Variants in SLC2A13 observed in about 807,000 individuals in gnomAD.
SLC2A13 encodes proton myo-inositol cotransporter.
Under a neutral mutation model 64.4 loss-of-function variants are expected in SLC2A13, and 32 were observed. The observed-to-expected ratio is 0.50, with a 90% CI of 0.37 to 0.67. The LOEUF is 0.67. Among genes scored for constraint, SLC2A13 ranks in the 30% least tolerant of loss-of-function variants. The pLI is 0.00. For missense variants in SLC2A13, 743 were observed against 829.2 expected, an observed-to-expected ratio of 0.90 and a Z score of 1.28; for synonymous variants, 338 against 327.1, an observed-to-expected ratio of 1.03 and a Z score of -0.36.
At chr12:39,908,486 G>A (rs1476388690) in intron 4 of SLC2A13, among the ~76,000 whole-genome samples, 3 of 151,888 alleles carry the variant, frequency 2.0e-5, no homozygotes, top group African/African-American at 4.8e-5. Flanking sequence ...CTCAGAACCC[G>A]AGGAAAAAGA....
At chr12:39,919,018 C>T (rs142907644) in intron 4 of SLC2A13, among the ~76,000 whole-genome samples, 11 of 151,578 alleles carry the variant, frequency 7.3e-5, no homozygotes, top group Admixed American at 5.9e-4. Flanking sequence ...GCTCTGTTGT[C>T]CAGGCTGGAT....
At chr12:39,901,324 AG>A (rs1258351073) in intron 4 of SLC2A13, among the ~76,000 whole-genome samples, 1 of 152,098 alleles carries the variant, frequency 6.6e-6, no homozygotes, top group African/African-American at 2.4e-5. Context: ...TGGCAACAAA[AG>A]CCAAAATTGA....
chr12:39,986,411 C>T (rs1375271665), intron 3 of SLC2A13, among the ~76,000 whole-genome samples: 3 of 151,886 alleles, frequency 2.0e-5, no homozygotes, highest in Admixed American at 6.6e-5. Context: ...TGAGGTGCTT[C>T]GTGATATGAA....
intron 1 of SLC2A13, among the ~76,000 whole-genome samples, chr12:40,100,511 T>G (rs934233455): frequency 2.6e-5 from 4 of 152,220 alleles, no homozygotes; most frequent in African/African-American, 9.6e-5. Flanking sequence ...GTGTTATGCA[T>G]GGGAGATACA....
intron 4 of SLC2A13, among the ~76,000 whole-genome samples, chr12:39,926,891 G>A (rs1181392132): frequency 1.3e-5 from 2 of 152,224 alleles, no homozygotes; most frequent in East Asian, 1.9e-4. Context: ...TTGGGAAAAC[G>A]GACGTGAGCC....
At chr12:40,097,945 C>T (rs1939007597) in intron 1 of SLC2A13, among the ~76,000 whole-genome samples, 1 of 151,894 alleles carries the variant, frequency 6.6e-6, no homozygotes, top group Non-Finnish European at 1.5e-5. Context: ...CAGCATTATC[C>T]ACAACAGCCA....
intron 1 of SLC2A13, among the ~76,000 whole-genome samples, chr12:40,090,098 G>C (rs555052652): frequency 6.6e-6 from 1 of 152,108 alleles, no homozygotes; most frequent in Non-Finnish European, 1.5e-5. Context: ...TTCAATGAAA[G>C]AGGAGTATGC....
chr12:39,994,382 CAA>C (rs367976830), intron 3 of SLC2A13, among the ~76,000 whole-genome samples: 21 of 82,268 alleles, frequency 2.6e-4, no homozygotes, highest in African/African-American at 8.6e-4. Flanking sequence ...GACTCCATCT[CAA>C]AAAAAAAAAA....
At chr12:39,833,199 C>T (rs1942906927) in intron 6 of SLC2A13, among the ~76,000 whole-genome samples, 1 of 152,074 alleles carries the variant, frequency 6.6e-6, no homozygotes, top group African/African-American at 2.4e-5. Context: ...TTATGACTGC[C>T]TTCATGCTTT....
intron 6 of SLC2A13, among the ~76,000 whole-genome samples, chr12:39,846,669 C>T (rs1338916332): frequency 1.3e-5 from 2 of 152,104 alleles, no homozygotes; most frequent in African/African-American, 2.4e-5. Flanking sequence ...CCAGGCTGCT[C>T]TTGAACTCCT....
chr12:39,780,008 G>C (rs1208647413), intron 7 of SLC2A13, among the ~76,000 whole-genome samples: 1 of 152,204 alleles, frequency 6.6e-6, no homozygotes. Flanking sequence ...TCCATCAAGT[G>C]TGAGTTCTGT....
At chr12:40,080,816 G>T (rs1938368152) in intron 1 of SLC2A13, among the ~76,000 whole-genome samples, 1 of 152,218 alleles carries the variant, frequency 6.6e-6, no homozygotes. Context: ...AGGTACTTAA[G>T]TGTTTTTATA....
chr12:39,814,549 A>C (rs776475627), intron 7 of SLC2A13, among the ~76,000 whole-genome samples: 1 of 152,192 alleles, frequency 6.6e-6, no homozygotes, highest in Admixed American at 6.5e-5. Flanking sequence ...TTACAAACTG[A>C]AGAATGCTTT....
At chr12:39,868,259 T>A (rs1340754659) in intron 5 of SLC2A13, among the ~76,000 whole-genome samples, 1 of 152,212 alleles carries the variant, frequency 6.6e-6, no homozygotes, top group East Asian at 1.9e-4. Flanking sequence ...AGTATTAGAT[T>A]TTGGAATTTT....
chr12:39,967,464 C>T (rs1171982708), intron 3 of SLC2A13, among the ~76,000 whole-genome samples: 1 of 152,160 alleles, frequency 6.6e-6, no homozygotes, highest in African/African-American at 2.4e-5. Flanking sequence ...TTCTATAACT[C>T]TACTGAATGA....
intron 7 of SLC2A13, among the ~76,000 whole-genome samples, chr12:39,820,841 G>A (rs1260671163): frequency 7.6e-6 from 1 of 131,878 alleles, no homozygotes; most frequent in Non-Finnish European, 1.6e-5. Context: ...ATTTCCAAAT[G>A]CCTTGCCCTT....
intron 4 of SLC2A13, among the ~76,000 whole-genome samples, chr12:39,941,140 T>C (rs1262982830): frequency 6.7e-6 from 1 of 148,724 alleles, no homozygotes; most frequent in African/African-American, 2.5e-5. Context: ...TATATATATA[T>C]ATATGAATCA....
chr12:39,867,645 A>G (rs1943943614), intron 5 of SLC2A13, among the ~76,000 whole-genome samples: 1 of 152,186 alleles, frequency 6.6e-6, no homozygotes, highest in Admixed American at 6.5e-5. Context: ...GAAAATTCCT[A>G]AATAGGTAAA....
At chr12:40,059,716 G>A (rs1293315190) in intron 1 of SLC2A13, among the ~76,000 whole-genome samples, 1 of 152,110 alleles carries the variant, frequency 6.6e-6, no homozygotes, top group South Asian at 2.1e-4. Context: ...CATGATTGAA[G>A]CATAGATAAC....
Sources: gnomAD v4.1 joint callset for allele counts (sites outside exome capture counted in the v4.1 genomes callset) on GRCh38, gnomAD v4.1.1 for gene constraint, MANE v1.5 for transcripts, NCBI Gene and HGNC (gene_info 2026-07-23, HGNC 2026-07-21) for gene names.